ULK4: variants seen among roughly 807,000 people sequenced by gnomAD.
ULK4 encodes inactive serine/threonine-protein kinase ULK4.
Under a neutral mutation model 160.6 loss-of-function variants are expected in ULK4, and 133 were observed. The observed-to-expected ratio is 0.83, with a 90% CI of 0.72 to 0.96. The LOEUF (loss-of-function observed/expected upper bound fraction) is 0.96, where lower values mean the gene tolerates loss of function less well. Among genes scored for constraint, ULK4 ranks in the 40% least tolerant of loss-of-function variants. ULK4 has a pLI of 0.00. For synonymous variants in ULK4, 534 were observed against 539.8 expected (o/e 0.99, Z 0.15); for missense variants, 1,580 against 1,499.5 (o/e 1.05, Z -0.89).
rs79297064 is a variant in ULK4 at position 41,591,231 on chromosome 3, A to C, written c.3120+24438T>G. 3.3e-3 allele frequency among the ~76,000 whole-genome samples: 505 copies of C among 152,332 alleles called. 3 individuals are homozygous for C. The highest frequency in any genetic ancestry group is 0.012 in the African/African-American group (482 of 41,576). ...AAAAATTAACAAACTAAAAATTGTA[A>C]TCAGTGAATATATCTTTCAAAGATG... On this transcript the variant is annotated intron_variant, in intron 31 of 36. Coordinates refer to ENST00000301831, the MANE Select transcript of ULK4 (RefSeq NM_017886.4).
At chr3:41,683,916 A>T (rs745822032) in intron 27 of ULK4, among the ~76,000 whole-genome samples, 1 of 152,144 alleles carries the variant, frequency 6.6e-6, no homozygotes. Context: ...GCAAGCCTAC[A>T]GACCCTGGGT....
intron 32 of ULK4, among the ~76,000 whole-genome samples, chr3:41,483,080 T>C (rs905340507): frequency 5.9e-5 from 9 of 152,204 alleles, no homozygotes; most frequent in Non-Finnish European, 1.2e-4. Context: ...ATAGTCACCC[T>C]GTTGTGCTAG....
At chr3:41,436,126 T>C (rs1433802055) in intron 34 of ULK4, among the ~76,000 whole-genome samples, 1 of 152,214 alleles carries the variant, frequency 6.6e-6, no homozygotes, top group Non-Finnish European at 1.5e-5. Flanking sequence ...AATACAGTAG[T>C]CAATAAATTG....
chr3:41,461,547 G>A (rs1165255779), intron 33 of ULK4, among the ~76,000 whole-genome samples: 1 of 152,152 alleles, frequency 6.6e-6, no homozygotes, highest in Non-Finnish European at 1.5e-5. Flanking sequence ...GGATGATTTA[G>A]AAAGATGGTA....
chr3:41,940,852 A>G (rs1699929793), intron 2 of ULK4, among the ~76,000 whole-genome samples: 1 of 152,194 alleles, frequency 6.6e-6, no homozygotes, highest in South Asian at 2.1e-4. Flanking sequence ...ATAAAAAACA[A>G]ATGATAAAGA....
intron 2 of ULK4, among the ~76,000 whole-genome samples, chr3:41,952,683 G>A (rs1700330514): frequency 6.6e-6 from 1 of 152,118 alleles, no homozygotes; most frequent in South Asian, 2.1e-4. Context: ...ATTAAAAATA[G>A]AATTACCATA....
chr3:41,517,681 C>A (rs1053335729), intron 32 of ULK4, among the ~76,000 whole-genome samples: 6 of 152,146 alleles, frequency 3.9e-5, no homozygotes, highest in Non-Finnish European at 8.8e-5. Flanking sequence ...AAAGCACTCG[C>A]TGTTCTGAAG....
chr3:41,678,911 A>G (rs570009588), intron 29 of ULK4, among the ~76,000 whole-genome samples: 191 of 152,332 alleles, frequency 1.3e-3, no homozygotes, highest in African/African-American at 3.8e-3. Context: ...TATATACTCA[A>G]TGGAGAGCAT....
At chr3:41,736,105 G>T (rs953027989) in intron 22 of ULK4, among the ~76,000 whole-genome samples, 3 of 151,234 alleles carry the variant, frequency 2.0e-5, no homozygotes, top group African/African-American at 7.4e-5. Context: ...TGGACATTTG[G>T]GTTGGTTTCA....
Position 41,946,462 on chromosome 3 carries a change from A to T in ULK4, c.138+8160T>A, listed in dbSNP as rs1285962817. Among the ~76,000 whole-genome samples the T allele has an allele frequency of 2.0e-5, 3 of 152,198 alleles. No homozygotes were observed. The South Asian group carries it at 6.2e-4, about 32-fold the overall frequency. On this transcript the variant is annotated intron_variant, in intron 2 of 36. Coordinates refer to ENST00000301831, the MANE Select transcript of ULK4 (RefSeq NM_017886.4). The stretch of plus-strand genomic sequence containing the variant: ...TGTTTCTTGATTTGGATATTACATG[A>T]CTGCATACGTTTGTTAAAAGTCATT...
intron 31 of ULK4, among the ~76,000 whole-genome samples, chr3:41,589,406 G>GA (rs200256811): frequency 0.025 from 1,614 of 64,122 alleles, 31 homozygotes; most frequent in African/African-American, 0.082. Flanking sequence ...ATATGCACAG[G>GA]AAAAAACACC....
intron 31 of ULK4, among the ~76,000 whole-genome samples, chr3:41,605,073 TATTAC>T (rs1355859767): frequency 7.9e-5 from 12 of 151,950 alleles, no homozygotes; most frequent in Non-Finnish European, 1.5e-4. Context: ...TGGAGGTGAC[TATTAC>T]ATCAACATAA....
At chr3:41,507,638 A>C (rs2085440540) in intron 32 of ULK4, among the ~76,000 whole-genome samples, 1 of 106,594 alleles carries the variant, frequency 9.4e-6, no homozygotes, top group South Asian at 3.1e-4. Flanking sequence ...AAAAAAAAAA[A>C]ACTGAAATTT....
intron 31 of ULK4, among the ~76,000 whole-genome samples, chr3:41,584,845 A>C (rs2030673176): frequency 6.6e-6 from 1 of 152,198 alleles, no homozygotes; most frequent in Admixed American, 6.5e-5. Context: ...GAACTTATTA[A>C]AAGTAACAAT....
intron 30 of ULK4, among the ~76,000 whole-genome samples, chr3:41,623,873 A>G (rs1483812911): frequency 6.6e-6 from 1 of 152,198 alleles, no homozygotes; most frequent in Non-Finnish European, 1.5e-5. Context: ...GGACATGTTA[A>G]TTAGTCTGAT....
intron 32 of ULK4, among the ~76,000 whole-genome samples, chr3:41,564,963 A>T (rs1472352433): frequency 6.6e-6 from 1 of 152,132 alleles, no homozygotes; most frequent in African/African-American, 2.4e-5. Context: ...TTTATATCAT[A>T]TGTTTGCCAC....
intron 21 of ULK4, among the ~76,000 whole-genome samples, chr3:41,764,300 T>C (rs1024553321): frequency 1.3e-5 from 2 of 152,202 alleles, no homozygotes; most frequent in South Asian, 2.1e-4. Context: ...TCCAGAAACA[T>C]GGTAAAAATA....
At chr3:41,841,097 G>GC (rs1368976509) in intron 17 of ULK4, among the ~76,000 whole-genome samples, 1 of 143,536 alleles carries the variant, frequency 7.0e-6, no homozygotes, top group African/African-American at 2.7e-5. Context: ...CCTCTGCCCA[G>GC]CCGCCACCCG....
intron 35 of ULK4, among the ~76,000 whole-genome samples, chr3:41,383,438 A>G (rs751732208): frequency 5.3e-5 from 8 of 152,156 alleles, no homozygotes; most frequent in Non-Finnish European, 8.8e-5. Context: ...AATACTCAAC[A>G]TGCTTTAAAT....
Sources: gnomAD v4.1 joint callset for allele counts (sites outside exome capture counted in the v4.1 genomes callset) on GRCh38, gnomAD v4.1.1 for gene constraint, MANE v1.5 for transcripts, NCBI Gene and HGNC (gene_info 2026-07-23, HGNC 2026-07-21) for gene names.